LRRC15: variants seen among roughly 807,000 people sequenced by gnomAD.
The protein encoded by LRRC15 is leucine-rich repeat-containing protein 15.
LRRC15 carries 5 observed loss-of-function variants against 4.3 expected under a neutral mutation model. That is an observed-to-expected ratio of 1.16 (90% CI 0.61 to 2.44). LRRC15 has a LOEUF of 2.44. LRRC15 is among the 30% of genes most tolerant of loss of function. The pLI is 0.01. For synonymous variants in LRRC15, 337 were observed against 323.2 expected (o/e 1.04, Z -0.46); for missense variants, 769 against 747.0 (o/e 1.03, Z -0.34).
chr3:194,368,660 G>C (rs1713850604), intron 1 of LRRC15, among the ~76,000 whole-genome samples: 1 of 152,154 alleles, frequency 6.6e-6, no homozygotes, highest in African/African-American at 2.4e-5. Flanking sequence ...CTGGCACGTG[G>C]CAGACAGGCA....
rs765951229 is a variant in LRRC15 at position 194,360,172 on chromosome 3, G to A, written c.872C>T (p.Pro291Leu). The change falls in exon 2 of 2, where the codon CCC becomes CTC. Residue 291 changes from proline (P) to leucine (L), a missense_variant. Coordinates refer to ENST00000347624, the MANE Select transcript of LRRC15 (RefSeq NM_130830.5). Reference protein sequence around the residue: ...LKELSPGIFGPMPNLRELWLY... With the variant: ...LKELSPGIFGLMPNLRELWLY... ...CCAAAGCTCCCGCAGGTTGGGCATG[G>A]GCCCGAAGATCCCCGGAGAGAGCTC... 6.8e-6 allele frequency: 11 copies of A among 1,613,858 alleles called. No homozygotes were observed. In the Admixed American group the frequency reaches 1.5e-4, roughly 22 times the overall value.
rs1340963498 is a variant in LRRC15, at chr3:194,357,924, G to A, written c.*1374C>T. 6.6e-6 allele frequency: 1 copy of A among 152,260 alleles called. No homozygotes were observed. The highest frequency in any genetic ancestry group is 1.5e-5 in the Non-Finnish European group (1 of 68,048). The allele number at this position is 152,260 out of a possible 1,614,324, so 9.4% of individuals were successfully genotyped here. A position where few individuals can be genotyped will look rare whatever the true frequency, so the allele number is the denominator to read the frequency against. The stretch of plus-strand genomic sequence containing the variant: ...ACGTCCATAGAAGGCTCCAGGCGGA[G>A]GGGCCTCCGATGAGCCGCAGACAGC... On this transcript the variant is annotated 3_prime_UTR_variant, in exon 2 of 2. Coordinates refer to ENST00000347624, the MANE Select transcript of LRRC15 (RefSeq NM_130830.5).
rs766738856 is a variant in LRRC15, at chr3:194,356,048, C to T, written c.*3250G>A. ...GCTTCCATTTCCTTTGGTTTAATGA[C>T]GAAAGCCCAAGACAAGCCATGAGCT... On this transcript the variant is annotated 3_prime_UTR_variant, in exon 2 of 2. Transcript: ENST00000347624. 5 of 152,104 alleles carry T rather than the reference C, an allele frequency of 3.3e-5. No individual in the cohort carries two copies. The highest frequency in any genetic ancestry group is 5.9e-5 in the Non-Finnish European group (4 of 68,038). The allele number at this position is 152,104 out of a possible 1,614,324, so 9.4% of individuals were successfully genotyped here.
At chr3:194,364,697 C>T (rs765260691) in intron 1 of LRRC15, among the ~76,000 whole-genome samples, 2 of 152,220 alleles carry the variant, frequency 1.3e-5, no homozygotes, top group Admixed American at 1.3e-4. Context: ...AGGGCCACCA[C>T]TGTCTAAAAT....
At position 194,357,344 on chromosome 3, in the gene LRRC15, C is replaced by T. The variant is rs1253723766; in HGVS notation, c.*1954G>A. ...GCCGATCGGGATTGGTGGTGGATTT[C>T]CAAAGCACAGGTGTCTTGTGGAGCG... On this transcript the variant is annotated 3_prime_UTR_variant, in exon 2 of 2. Transcript: ENST00000347624. The T allele has an allele frequency of 6.6e-6, 1 of 150,880 alleles. No individual in the cohort carries two copies. Among genetic ancestry groups the T allele is most frequent in the Non-Finnish European group, 1.5e-5 (1 of 67,736 alleles). The allele number at this position is 150,880 out of a possible 1,614,324, so 9.3% of individuals were successfully genotyped here.
In LRRC15 at chr3:194,359,879, T is replaced by G; in HGVS notation, c.1165A>C (p.Asn389His). 3.1e-6 allele frequency: 5 copies of G among 1,614,184 alleles called. No homozygotes were observed. Among genetic ancestry groups the G allele is most frequent in the Non-Finnish European group, 3.4e-6 (4 of 1,180,042 alleles). The change falls in exon 2 of 2, where the codon AAT (asparagine) becomes CAT (histidine). Residue 389 changes from asparagine to histidine, a missense_variant. Physicochemically the swap from Asn to His is moderately conservative, Grantham distance 68 (BLOSUM62 1). Coordinates refer to ENST00000347624, the MANE Select transcript of LRRC15 (RefSeq NM_130830.5). ...QLPGNIFANV[N>H]GLMAIQLQNN... is the part of the protein sequence containing the mutation. ...TGCAGCTGGATGGCCATGAGGCCAT[T>G]GACGTTGGCGAAGATATTCCCTGGG...
Position 194,356,464 on chromosome 3 carries a change from T to TC in LRRC15, c.*2833dup, listed in dbSNP as rs1304209616. 1 of 152,176 alleles carries TC rather than the reference T, an allele frequency of 6.6e-6. No homozygotes were observed. The highest frequency in any genetic ancestry group is 1.9e-4 in the East Asian group (1 of 5,198). 9.4% of individuals were successfully genotyped at this position (152,176 alleles called of 1,614,324 possible). A position where few individuals can be genotyped will look rare whatever the true frequency, so the allele number is the denominator to read the frequency against. On this transcript the variant is annotated 3_prime_UTR_variant, in exon 2 of 2. Coordinates refer to ENST00000347624, the MANE Select transcript of LRRC15 (RefSeq NM_130830.5). ...TGCATCATCCTGTTGGAAAGGAGAC[T>TC]CCACTCAGCTTTTCTAGTAGCTCCT...
At chr3:194,366,388 C>T (rs950423517) in intron 1 of LRRC15, among the ~76,000 whole-genome samples, 1 of 152,206 alleles carries the variant, frequency 6.6e-6, no homozygotes, top group African/African-American at 2.4e-5. Flanking sequence ...GGGTAAAAAT[C>T]AGAATCTCTG....
At position 194,357,345 on chromosome 3, in the gene LRRC15, C is replaced by G. The variant is rs1441467318; in HGVS notation, c.*1953G>C. The stretch of plus-strand genomic sequence containing the variant: ...CCGATCGGGATTGGTGGTGGATTTC[C>G]AAAGCACAGGTGTCTTGTGGAGCGG... On this transcript the variant is annotated 3_prime_UTR_variant, in exon 2 of 2. Coordinates refer to ENST00000347624, the MANE Select transcript of LRRC15 (RefSeq NM_130830.5). 1 of 150,714 alleles carries G rather than the reference C, an allele frequency of 6.6e-6. No homozygotes were observed. The highest frequency in any genetic ancestry group is 6.6e-5 in the Admixed American group (1 of 15,162). The allele number at this position is 150,714 out of a possible 1,614,324, so 9.3% of individuals were successfully genotyped here. A position where few individuals can be genotyped will look rare whatever the true frequency, so the allele number is the denominator to read the frequency against.
At chr3:194,361,593 A>T (rs1357876588) in intron 1 of LRRC15, among the ~76,000 whole-genome samples, 1 of 152,236 alleles carries the variant, frequency 6.6e-6, no homozygotes, top group Non-Finnish European at 1.5e-5. Flanking sequence ...CAGGAGGAAC[A>T]CAAAGGCAAT....
chr3:194,363,016 A>G (rs1459271168), intron 1 of LRRC15, among the ~76,000 whole-genome samples: 1 of 140,452 alleles, frequency 7.1e-6, no homozygotes, highest in Non-Finnish European at 1.5e-5. Flanking sequence ...ATCTCTGCTC[A>G]CTGCAAACTC....
rs999319350 is a variant in LRRC15, at chr3:194,359,032, G to A, written c.*266C>T. On this transcript the variant is annotated 3_prime_UTR_variant, in exon 2 of 2. Transcript: ENST00000347624. ...GAGGATTTGGAGGAAGAGCCCTCTC[G>A]AAGGAAGCCCAGGGGTATGAATCGG... is the stretch of plus-strand genomic sequence containing the variant. 4 of 330,310 alleles carry A rather than the reference G, an allele frequency of 1.2e-5. No homozygotes were observed. Among genetic ancestry groups the A allele is most frequent in the South Asian group, 7.5e-5 (1 of 13,422 alleles). The allele number at this position is 330,310 out of a possible 1,614,324, so 20.5% of individuals were successfully genotyped here.
Position 194,359,394 on chromosome 3 carries a change from G to A in LRRC15, c.1650C>T (p.Ala550=). The part of the protein sequence containing the change: ...AIAAIVIGIV[A]LACSLAACVG... The stretch of plus-strand genomic sequence containing the variant: ...CGCAGGCAGCCAGGGAGCAGGCCAG[G>A]GCGACAATGCCAATTACAATGGCGG... Residue 550 remains alanine (A), a synonymous_variant, in exon 2 of 2, where the codon GCC becomes GCT. Transcript: ENST00000347624. 6.2e-7 allele frequency: 1 copy of A among 1,614,180 alleles called. No individual in the cohort carries two copies. The highest frequency in any genetic ancestry group is 8.5e-7 in the Non-Finnish European group (1 of 1,180,036).
intron 1 of LRRC15, among the ~76,000 whole-genome samples, chr3:194,362,664 G>C (rs1018921257): frequency 2.6e-5 from 4 of 152,176 alleles, no homozygotes; most frequent in Non-Finnish European, 5.9e-5. Context: ...GAGTGTTAAT[G>C]CTGTGTCTCC....
Position 194,359,826 on chromosome 3 carries a change from G to A in LRRC15, c.1218C>T (p.Leu406=), listed in dbSNP as rs535852781. Residue 406 remains leucine (L), a synonymous_variant, in exon 2 of 2, where the codon CTC becomes CTT. Transcript: ENST00000347624. ...LQNNQLENLP[L]GIFDHLGKLC... ...GTTTCCCCAGGTGATCGAAGATGCC[G>A]AGGGGCAAGTTCTCCAGCTGGTTGT... 3.5e-4 allele frequency: 562 copies of A among 1,614,038 alleles called. 6 individuals are homozygous for A. In the South Asian group the frequency reaches 5.8e-3, roughly 17 times the overall value.
In LRRC15 at chr3:194,359,047, G is replaced by T. The variant is rs538770608; in HGVS notation, c.*251C>A. 7.7e-6 allele frequency: 3 copies of T among 388,146 alleles called. No homozygotes were observed. The highest frequency in any genetic ancestry group is 1.4e-3 in the Middle Eastern group (2 of 1,452). 24.0% of individuals were successfully genotyped at this position (388,146 alleles called of 1,614,324 possible). On this transcript the variant is annotated 3_prime_UTR_variant, in exon 2 of 2. Transcript: ENST00000347624. ...GAGCCCTCTCGAAGGAAGCCCAGGG[G>T]TATGAATCGGAAATCCCCAGGGCTT...
In LRRC15 at chr3:194,359,464, C is replaced by A. The variant is rs200303081; in HGVS notation, c.1580G>T (p.Arg527Leu). Reference protein sequence around the residue: ...DLTTIQVTDDRSVWGMTQAQS... With the variant: ...DLTTIQVTDDLSVWGMTQAQS... ...GGCCTGGGTCATGCCCCAAACGCTG[C>A]GGTCATCAGTGACCTGAATGGTAGT... The change falls in exon 2 of 2, where the codon CGC (arginine) becomes CTC (leucine). Residue 527 changes from arginine to leucine, a missense_variant. Physicochemically the swap from Arg to Leu is moderately radical, Grantham distance 102 (BLOSUM62 -2). Transcript: ENST00000347624. 1.2e-6 allele frequency: 2 copies of A among 1,614,214 alleles called. No individual in the cohort carries two copies. The highest frequency in any genetic ancestry group is 2.2e-5 in the South Asian group (2 of 91,078).
chr3:194,357,335 G>C lies in LRRC15; in HGVS notation c.*1963C>G, dbSNP rs13067487. On this transcript the variant is annotated 3_prime_UTR_variant, in exon 2 of 2. Transcript: ENST00000347624. Reference sequence around the variant, plus strand: ...CTAATAAGAGCCGATCGGGATTGGTGGTGGATTTCCAAAGCACAGGTGTCT... The same window carrying C: ...CTAATAAGAGCCGATCGGGATTGGTCGTGGATTTCCAAAGCACAGGTGTCT... 1 of 145,674 alleles carries C rather than the reference G, an allele frequency of 6.9e-6. No individual in the cohort carries two copies. Among genetic ancestry groups the C allele is most frequent in the African/African-American group, 2.5e-5 (1 of 39,336 alleles). 9.0% of individuals were successfully genotyped at this position (145,674 alleles called of 1,614,324 possible).
rs1489239330 is a variant in LRRC15, at chr3:194,355,553, C to A, written c.*3745G>T. The A allele has an allele frequency of 2.0e-5, 3 of 152,256 alleles. 1 individual carries two copies. The highest frequency in any genetic ancestry group is 2.0e-4 in the Admixed American group (3 of 15,286). The allele number at this position is 152,256 out of a possible 1,614,324, so 9.4% of individuals were successfully genotyped here. A position where few individuals can be genotyped will look rare whatever the true frequency, so the allele number is the denominator to read the frequency against. On this transcript the variant is annotated 3_prime_UTR_variant, in exon 2 of 2. Coordinates refer to ENST00000347624, the MANE Select transcript of LRRC15 (RefSeq NM_130830.5). ...CCCCGGAAGTGGCTTGCCAGCCCAC[C>A]CTCTCTGAACCACAGCCATGGCTTC...
Sources: allele counts gnomAD v4.1 joint callset (sites outside exome capture counted in the v4.1 genomes callset), GRCh38; gene constraint gnomAD v4.1.1; transcripts MANE v1.5; gene names NCBI Gene and HGNC (gene_info 2026-07-23, HGNC 2026-07-21).